Variants in SPRY3 observed in about 807,000 individuals in gnomAD.
SPRY3 encodes protein sprouty homolog 3.
In SPRY3, 15 loss-of-function variants were observed where a neutral mutation model predicts 20.2. That is an observed-to-expected ratio of 0.74 (90% confidence interval 0.50 to 1.14). The LOEUF (loss-of-function observed/expected upper bound fraction) is 1.14. Ranked by LOEUF, SPRY3 falls within the 50% of genes most tolerant of loss-of-function variation. SPRY3 has a pLI of 0.00. For synonymous variants in SPRY3, 143 were observed against 136.5 expected (o/e 1.05, Z -0.33); for missense variants, 364 against 363.9 (o/e 1.00, Z 0.00).
In SPRY3 at chrX:155,717,075, C is replaced by T. The variant is rs190733367; in HGVS notation, c.-281-50887C>T. 1.1e-3 allele frequency among the ~76,000 whole-genome samples: 158 copies of T among 143,716 alleles called. No individual in the cohort carries two copies. The East Asian group carries it at 0.019, about 17-fold the overall frequency. The allele number at this position is 143,716 out of a possible 152,430, so 94.3% of individuals were successfully genotyped here. A position where few individuals can be genotyped will look rare whatever the true frequency, so the allele number is the denominator to read the frequency against. On this transcript the variant is annotated intron_variant, in intron 2 of 3. Transcript: ENST00000675360. ...TCGGGAGGCTGAGGCAGGATAATTG[C>T]TTGAACCCGGGAAGCAGAGGTTGCA...
chrX:155,715,743 G>T (rs2091017662), intron 2 of SPRY3, among the ~76,000 whole-genome samples: 1 of 152,170 alleles, frequency 6.6e-6, no homozygotes, highest in Non-Finnish European at 1.5e-5. Context: ...TCCAATTGCT[G>T]GGATACATGA....
chrX:155,765,883 AGAGGTTAATTGAATTGCCTCAAGG>A (rs2091324972), intron 2 of SPRY3, among the ~76,000 whole-genome samples: 2 of 152,230 alleles, frequency 1.3e-5, no homozygotes, highest in Admixed American at 1.3e-4. Context: ...TATATGCCAG[AGAGGTTAATTGAATTGCCTCAAGG>A]GAGGTAGCTC....
At chrX:155,655,845 A>G (rs781933512) in intron 1 of SPRY3, among the ~76,000 whole-genome samples, 13 of 112,056 alleles carry the variant, frequency 1.2e-4, no homozygotes, top group African/African-American at 4.2e-4. Flanking sequence ...AAAGGATTTT[A>G]TTTCTGCTTC....
exon 4 of SPRY3, chrX:155,774,761 A>C: frequency 6.3e-7 from 1 of 1,592,224 alleles, no homozygotes; most frequent in Non-Finnish European, 8.6e-7. Context: ...GTGGATCCAG[A>C]GCTTTTCTCC....
intron 1 of SPRY3, among the ~76,000 whole-genome samples, chrX:155,653,697 TTTTTA>T (rs1386971791): frequency 8.9e-6 from 1 of 112,437 alleles, no homozygotes; most frequent in Non-Finnish European, 1.9e-5. Context: ...GTCTTCCAAC[TTTTTA>T]TTTTGTTTTC....
chrX:155,741,626 G>T, intron 2 of SPRY3, among the ~76,000 whole-genome samples: 1 of 152,118 alleles, frequency 6.6e-6, no homozygotes, highest in East Asian at 1.9e-4. Context: ...CACCTACAAA[G>T]GGAAGCTCAT....
rs1016297197 is a variant in SPRY3, at chrX:155,678,523, G to A, written c.-282+21498G>A. ...TTAGCAAATACTTAGCGAGTTAACA[G>A]TCTGTGTTTCTTCGCCAGAGCTCCC... On this transcript the variant is annotated intron_variant, in intron 2 of 3. Coordinates refer to ENST00000675360, the Ensembl canonical transcript of SPRY3. Among the ~76,000 whole-genome samples the A allele has an allele frequency of 2.7e-5, 3 of 111,614 alleles. No individual in the cohort carries two copies. In the East Asian group the frequency reaches 8.5e-4, roughly 32 times the overall value.
At chrX:155,681,457 C>A (rs2068073942) in intron 2 of SPRY3, among the ~76,000 whole-genome samples, 1 of 111,870 alleles carries the variant, frequency 8.9e-6, no homozygotes, top group Non-Finnish European at 1.9e-5. Context: ...TGAAAATGGA[C>A]TAATACAAGT....
intron 2 of SPRY3, among the ~76,000 whole-genome samples, chrX:155,767,300 T>C (rs1462945954): frequency 6.6e-6 from 1 of 151,582 alleles, no homozygotes; most frequent in Non-Finnish European, 1.5e-5. Context: ...TATAACCCAT[T>C]CACAAGACCT....
intron 1 of SPRY3, among the ~76,000 whole-genome samples, chrX:155,613,698 C>A (rs2067839750): frequency 9.0e-6 from 1 of 111,538 alleles, no homozygotes; most frequent in Non-Finnish European, 1.9e-5. Context: ...ATGCTCTTAC[C>A]CGGCACTTGT....
chrX:155,708,423 G>C (rs1304289154), intron 2 of SPRY3, among the ~76,000 whole-genome samples: 1 of 151,198 alleles, frequency 6.6e-6, no homozygotes, highest in Admixed American at 6.6e-5. Context: ...GTTATCTCCT[G>C]CTGCTTTCTA....
intron 2 of SPRY3, among the ~76,000 whole-genome samples, chrX:155,665,179 G>T (rs2068020884): frequency 9.1e-6 from 1 of 110,447 alleles, no homozygotes; most frequent in Admixed American, 9.7e-5. Flanking sequence ...ATCACAATGA[G>T]ATATTATTTA....
intron 3 of SPRY3, among the ~76,000 whole-genome samples, chrX:155,771,935 A>G (rs1037764716): frequency 6.6e-6 from 1 of 152,206 alleles, no homozygotes; most frequent in Non-Finnish European, 1.5e-5. Flanking sequence ...AGAAAGAAAT[A>G]CAGACCATAA....
chrX:155,660,498 G>A (rs1284567078), intron 2 of SPRY3, among the ~76,000 whole-genome samples: 2 of 111,746 alleles, frequency 1.8e-5, no homozygotes, highest in East Asian at 2.8e-4. Context: ...ATATACTGCT[G>A]TTGTTAGGTG....
intron 3 of SPRY3, 37 bp downstream of exon 2, chrX:155,768,173 T>C (rs2091355434): frequency 6.6e-6 from 1 of 152,050 alleles, no homozygotes; most frequent in South Asian, 2.1e-4. Context: ...AAACCCAGAA[T>C]TCTTTCTATG....
At chrX:155,692,211 G>GTAAA (rs2124575056) in intron 2 of SPRY3, among the ~76,000 whole-genome samples, 1 of 111,005 alleles carries the variant, frequency 9.0e-6, no homozygotes, top group African/African-American at 3.3e-5. Flanking sequence ...CTCCCTGGTT[G>GTAAA]ATTTTGAGTT....
chrX:155,767,813 T>C (rs1234114234), intron 2 of SPRY3, 149 bp from the exon 2 acceptor site: 1 of 152,108 alleles, frequency 6.6e-6, no homozygotes, highest in African/African-American at 2.4e-5. Flanking sequence ...TGAGCTTTCT[T>C]TGGGAAATAC....
At chrX:155,781,575 T>G (rs765416797), downstream of SPRY3, 1 of 167,080 alleles carries the variant, frequency 6.0e-6, no homozygotes, top group South Asian at 2.1e-4. Context: ...CCAGAATTCT[T>G]GTCTTTATAC....
At chrX:155,630,803 G>A (rs1557350439) in intron 1 of SPRY3, among the ~76,000 whole-genome samples, 1 of 111,081 alleles carries the variant, frequency 9.0e-6, no homozygotes, top group African/African-American at 3.3e-5. Context: ...CTTTGAATAA[G>A]CTTAGATCCC....
Sources: allele counts gnomAD v4.1 joint callset (sites outside exome capture counted in the v4.1 genomes callset), GRCh38; gene constraint gnomAD v4.1.1; transcripts MANE v1.5; gene names NCBI Gene and HGNC (gene_info 2026-07-23, HGNC 2026-07-21).